The following ACBD3 variants were observed in gnomAD, a reference collection of about 807,000 sequenced individuals.
ACBD3 encodes the protein Golgi resident protein GCP60.
A neutral mutation model predicts 66.9 loss-of-function variants in ACBD3; 30 were observed. The observed-to-expected ratio is 0.45, with a 90% confidence interval of 0.34 to 0.61. The LOEUF is 0.61. ACBD3 is among the 20% of genes least tolerant of loss of function. The pLI, the probability that ACBD3 is intolerant of heterozygous loss-of-function variation, is 0.02. For missense variants in ACBD3, 544 were observed against 664.5 expected (o/e 0.82, Z 1.99); for synonymous variants, 278 against 259.8 (o/e 1.07, Z -0.68).
At chr1:226,172,155 CAAAAAAA>C (rs779380166) in intron 1 of ACBD3, among the ~76,000 whole-genome samples, 1 of 43,232 alleles carries the variant, frequency 2.3e-5, no homozygotes, top group African/African-American at 7.8e-5. Context: ...AACTCCATCT[CAAAAAAA>C]AAAAAAAAGA....
In ACBD3 at chr1:226,186,671, G is replaced by A. The variant is rs1254463856; in HGVS notation, c.5C>T (p.Ala2Val). The change falls in exon 1 of 8, where the codon GCG becomes GTG. Residue 2 changes from alanine to valine, a missense_variant. By Grantham distance (64) the Ala-to-Val change is moderately conservative. This residue lies in a region of ACBD3 where 137 missense variants were observed against 145.9 expected (regional missense o/e 0.94). Transcript: ENST00000366812. M[A>V]AVLNAERLEV... ...GAGTCGCTCTGCGTTCAGCACCGCC[G>A]CCATCTCCGGCTGCTGCACCTCCTC... The A allele has an allele frequency of 6.7e-7, 1 of 1,499,546 alleles. No homozygotes were observed. The allele number at this position is 1,499,546 out of a possible 1,614,324, so 92.9% of individuals were successfully genotyped here.
At position 226,144,714 on chromosome 1, in the gene ACBD3, C is replaced by T. The variant is rs890006849; in HGVS notation, c.*1896G>A. ...ACATTTTAATTGATTAAATATATTA[C>T]TTTCAAGATCTTTTTGAAATCGCAC... is the stretch of plus-strand genomic sequence containing the variant. On this transcript the variant is annotated 3_prime_UTR_variant, in exon 8 of 8. Transcript: ENST00000366812. 5 of 152,552 alleles carry T rather than the reference C, an allele frequency of 3.3e-5. No homozygotes were observed. The highest frequency in any genetic ancestry group is 2.0e-4 in the Admixed American group (3 of 15,272). The allele number at this position is 152,552 out of a possible 1,614,324, so 9.4% of individuals were successfully genotyped here.
chr1:226,171,503 G>T (rs572933874), intron 1 of ACBD3, among the ~76,000 whole-genome samples: 2 of 152,006 alleles, frequency 1.3e-5, no homozygotes, highest in South Asian at 2.1e-4. Flanking sequence ...ACACCTGACA[G>T]AATTAAAAAT....
At position 226,146,398 on chromosome 1, in the gene ACBD3, C is replaced by A. The variant is rs751387550; in HGVS notation, c.*212G>T. On this transcript the variant is annotated 3_prime_UTR_variant, in exon 8 of 8. Coordinates refer to ENST00000366812, the MANE Select transcript of ACBD3 (RefSeq NM_022735.4). ...GACTCTGCTGGTCAGCACCCAAGGGCTGGATGAGTCTGAGGAATCTCCTTT... is the reference window on the plus strand; with the variant it reads ...GACTCTGCTGGTCAGCACCCAAGGGATGGATGAGTCTGAGGAATCTCCTTT... 9.4e-6 allele frequency: 5 copies of A among 530,082 alleles called. No individual in the cohort carries two copies. The highest frequency in any genetic ancestry group is 3.3e-5 in the Admixed American group (1 of 30,544). 32.8% of individuals were successfully genotyped at this position (530,082 alleles called of 1,614,324 possible). A position where few individuals can be genotyped will look rare whatever the true frequency, so the allele number is the denominator to read the frequency against.
chr1:226,161,805 T>A, intron 3 of ACBD3, 116 bp from the exon 4 acceptor site: 1 of 1,229,196 alleles, frequency 8.1e-7, no homozygotes. Context: ...GATATATACA[T>A]CAAAATTTAA....
chr1:226,182,247 A>G (rs1200048014), intron 1 of ACBD3, among the ~76,000 whole-genome samples: 1 of 151,566 alleles, frequency 6.6e-6, no homozygotes. Context: ...AAAAGAATTG[A>G]GCAACTTTGC....
At chr1:226,148,572 A>G (rs184027585) in intron 7 of ACBD3, among the ~76,000 whole-genome samples, 55 of 152,362 alleles carry the variant, frequency 3.6e-4, no homozygotes, top group African/African-American at 1.3e-3. Context: ...CTATAAAACT[A>G]AAGATTACTG....
intron 5 of ACBD3, among the ~76,000 whole-genome samples, 198 bp downstream of exon 5, chr1:226,158,986 G>A (rs1226080553): frequency 2.6e-5 from 4 of 152,130 alleles, no homozygotes; most frequent in African/African-American, 4.8e-5. Context: ...TAACATCATC[G>A]GTTGCTTCGA....
At chr1:226,151,616 T>C (rs1659573694) in intron 7 of ACBD3, among the ~76,000 whole-genome samples, 2 of 152,198 alleles carry the variant, frequency 1.3e-5, no homozygotes, top group South Asian at 4.1e-4. Context: ...TGTATTTACA[T>C]AAAAAATTTT....
At chr1:226,163,239 T>G (rs1320918557) in intron 3 of ACBD3, among the ~76,000 whole-genome samples, 1 of 152,194 alleles carries the variant, frequency 6.6e-6, no homozygotes, top group Non-Finnish European at 1.5e-5. Flanking sequence ...GTGGACTTTA[T>G]CCCATGACAA....
At chr1:226,159,594 GATC>G (rs1659733913) in intron 4 of ACBD3, among the ~76,000 whole-genome samples, 1 of 152,124 alleles carries the variant, frequency 6.6e-6, no homozygotes, top group Non-Finnish European at 1.5e-5. Flanking sequence ...ATAAGCATAT[GATC>G]ATCATCATCA....
chr1:226,154,004 G>A (rs1045383463), intron 6 of ACBD3, among the ~76,000 whole-genome samples: 2 of 152,142 alleles, frequency 1.3e-5, no homozygotes, highest in African/African-American at 4.8e-5. Context: ...GCCAGGAATT[G>A]AGCTTCCAGC....
At chr1:226,173,060 G>C (rs1469157605) in intron 1 of ACBD3, among the ~76,000 whole-genome samples, 2 of 152,288 alleles carry the variant, frequency 1.3e-5, no homozygotes, top group East Asian at 3.9e-4. Flanking sequence ...GAGCCCAGGA[G>C]TTTGAGACCA....
At chr1:226,169,618 GC>G (rs1659950887) in intron 1 of ACBD3, among the ~76,000 whole-genome samples, 1 of 127,820 alleles carries the variant, frequency 7.8e-6, no homozygotes. Flanking sequence ...CACTGCTTTA[GC>G]CAGGATGGTC....
chr1:226,174,435 A>C (rs148913326), intron 1 of ACBD3, among the ~76,000 whole-genome samples: 2 of 152,306 alleles, frequency 1.3e-5, no homozygotes, highest in East Asian at 1.9e-4. Context: ...TCCTTAATGA[A>C]ACCACACTAA....
chr1:226,179,844 G>A (rs1395386567), intron 1 of ACBD3, among the ~76,000 whole-genome samples: 1 of 151,494 alleles, frequency 6.6e-6, no homozygotes, highest in African/African-American at 2.4e-5. Context: ...GGCACCAAGA[G>A]TGAAACTCCG....
chr1:226,174,857 T>C (rs922387439), intron 1 of ACBD3, among the ~76,000 whole-genome samples: 1 of 151,426 alleles, frequency 6.6e-6, no homozygotes, highest in African/African-American at 2.4e-5. Flanking sequence ...TCCCAGCACT[T>C]TGGGAGGCCA....
At chr1:226,153,550 C>T (rs1267078727) in intron 6 of ACBD3, among the ~76,000 whole-genome samples, 2 of 152,140 alleles carry the variant, frequency 1.3e-5, no homozygotes, top group Non-Finnish European at 2.9e-5. Flanking sequence ...TACATTCTCT[C>T]AAAGATAATG....
At chr1:226,171,607 G>A (rs928953116) in intron 1 of ACBD3, among the ~76,000 whole-genome samples, 2 of 151,658 alleles carry the variant, frequency 1.3e-5, no homozygotes, top group African/African-American at 2.4e-5. Context: ...GCGTGATCTC[G>A]GCTCACTGCA....
Sources: allele counts gnomAD v4.1 joint callset (sites outside exome capture counted in the v4.1 genomes callset), GRCh38; gene constraint gnomAD v4.1.1; regional missense constraint gnomAD v4.1.1; transcripts MANE v1.5; gene names NCBI Gene and HGNC (gene_info 2026-07-23, HGNC 2026-07-21).